The following STYXL1 variants were observed in gnomAD, a reference collection of about 807,000 sequenced individuals.
The protein encoded by STYXL1 is serine/threonine/tyrosine-interacting-like protein 1.
Under a neutral mutation model 36.4 loss-of-function variants are expected in STYXL1, and 32 were observed. That is an observed-to-expected ratio of 0.88 (90% CI 0.66 to 1.18). STYXL1 has a LOEUF of 1.18. Among genes scored for constraint, STYXL1 ranks in the 50% most tolerant of loss-of-function variants. The probability of loss-of-function intolerance (pLI) is 0.00; values close to 1 mark genes in which losing one functional copy is unlikely to be tolerated. For missense variants in STYXL1, 354 were observed against 394.1 expected (o/e 0.90, Z 0.86); for synonymous variants, 133 against 144.1 (o/e 0.92, Z 0.55).
chr7:76,000,754 G>C, intron 8 of STYXL1, 136 bp downstream of exon 8: 1 of 697,530 alleles, frequency 1.4e-6, no homozygotes, highest in Non-Finnish European at 2.5e-6. Context: ...CGCGGACTGG[G>C]GAGCACCCTA....
intron 1 of STYXL1, among the ~76,000 whole-genome samples, chr7:76,047,298 T>C (rs1280759868): frequency 6.6e-6 from 1 of 152,120 alleles, no homozygotes; most frequent in East Asian, 1.9e-4. Context: ...ATAAACTCAT[T>C]GTGAGCAAGG....
intron 4 of STYXL1, among the ~76,000 whole-genome samples, chr7:76,020,447 G>A (rs1793925709): frequency 1.3e-5 from 2 of 152,178 alleles, no homozygotes; most frequent in Admixed American, 1.3e-4. Context: ...ACACAGCAGA[G>A]CCTCAGAGGT....
At chr7:76,035,676 G>A (rs1279127279) in intron 1 of STYXL1, among the ~76,000 whole-genome samples, 3 of 149,740 alleles carry the variant, frequency 2.0e-5, no homozygotes, top group East Asian at 3.9e-4. Flanking sequence ...GAGGAGAGAA[G>A]TGGGCTTTGT....
rs781947342 is a variant in STYXL1 at position 76,022,044 on chromosome 7, C to T, written c.166-52G>A. 7 of 1,581,910 alleles carry T rather than the reference C, an allele frequency of 4.4e-6. No homozygotes were observed. The African/African-American group carries it at 5.4e-5, about 12-fold the overall frequency. On this transcript the variant is annotated intron_variant, in intron 3 of 8. Transcript: ENST00000359697. ...AGAGAGGCCTGTTGGTGGGCAGGTTCGGTTGAGCAGAGACTCCCTGCATAG... is the reference window on the plus strand; with the variant it reads ...AGAGAGGCCTGTTGGTGGGCAGGTTTGGTTGAGCAGAGACTCCCTGCATAG...
At chr7:76,025,944 G>C (rs1016902774) in intron 3 of STYXL1, among the ~76,000 whole-genome samples, 3 of 151,976 alleles carry the variant, frequency 2.0e-5, no homozygotes, top group Non-Finnish European at 2.9e-5. Flanking sequence ...TGTAATTCCA[G>C]CACTTTGGGA....
At chr7:76,042,617 G>A (rs1554582425) in intron 1 of STYXL1, among the ~76,000 whole-genome samples, 2 of 151,478 alleles carry the variant, frequency 1.3e-5, no homozygotes, top group African/African-American at 4.9e-5. Flanking sequence ...CATGTGGCGA[G>A]GCTGGTCTCA....
intron 3 of STYXL1, among the ~76,000 whole-genome samples, chr7:76,024,414 T>A (rs1794430045): frequency 6.6e-6 from 1 of 151,920 alleles, no homozygotes; most frequent in Admixed American, 6.6e-5. Flanking sequence ...AGCCCAGGCG[T>A]TCAAGACCAG....
At chr7:76,033,286 C>CA (rs58388695) in intron 1 of STYXL1, among the ~76,000 whole-genome samples, 84,574 of 151,946 alleles carry the variant, frequency 0.56, 25,660 homozygotes, top group Non-Finnish European at 0.7. Context: ...GCTGGGACTA[C>CA]AGCGTATGCC....
At chr7:76,046,327 TGTGTGTGTGTGTGCGCGCGCGCGCGC>T (rs1797034403) in intron 1 of STYXL1, among the ~76,000 whole-genome samples, 2 of 13,668 alleles carry the variant, frequency 1.5e-4, no homozygotes, top group African/African-American at 4.7e-4. Flanking sequence ...TGTGTGTGTG[TGTGTGTGTGTGTGCGCGCGCGCGCGC>T]GCGCGCTTTT....
rs532795944 is a variant in STYXL1, at chr7:76,047,434, G to A, written c.-5+228C>T. Among the ~76,000 whole-genome samples the A allele has an allele frequency of 5.3e-5, 8 of 152,306 alleles. No individual in the cohort carries two copies. In the South Asian group the frequency reaches 1.4e-3, roughly 28 times the overall value. ...ACTGCCGGGCAGGCGAGAGAAGACA[G>A]GAACTGTATGACCACGGAAGTTGTT... On this transcript the variant is annotated intron_variant, in intron 1 of 8. Transcript: ENST00000359697.
At chr7:76,028,401 C>T (rs1894812) in intron 3 of STYXL1, among the ~76,000 whole-genome samples, 81,846 of 151,934 alleles carry the variant, frequency 0.54, 24,855 homozygotes, top group Non-Finnish European at 0.7. Flanking sequence ...GATGACAGAG[C>T]GAGACCCGGT....
rs1006180158 is a variant in STYXL1 at position 76,003,952 on chromosome 7, C to T, written c.600-97G>A. 2.0e-5 allele frequency: 22 copies of T among 1,084,560 alleles called. 1 individual carries two copies. The highest frequency in any genetic ancestry group is 2.1e-4 in the Middle Eastern group (1 of 4,696). The allele number at this position is 1,084,560 out of a possible 1,614,324, so 67.2% of individuals were successfully genotyped here. A position where few individuals can be genotyped will look rare whatever the true frequency, so the allele number is the denominator to read the frequency against. ...CACAGCAGAAGGGCCACAGGGAGGACGCTGAGCTTGTGTAAGGGGGAATGT... is the reference window on the plus strand; with the variant it reads ...CACAGCAGAAGGGCCACAGGGAGGATGCTGAGCTTGTGTAAGGGGGAATGT... On this transcript the variant is annotated intron_variant, in intron 6 of 8. Transcript: ENST00000359697.
intron 3 of STYXL1, among the ~76,000 whole-genome samples, chr7:76,023,040 A>C (rs1794266798): frequency 6.6e-6 from 1 of 152,186 alleles, no homozygotes; most frequent in African/African-American, 2.4e-5. Flanking sequence ...AGAGGGACTT[A>C]CTGGCAGGTA....
At chr7:76,022,560 G>A (rs964606989) in intron 3 of STYXL1, among the ~76,000 whole-genome samples, 2 of 152,078 alleles carry the variant, frequency 1.3e-5, no homozygotes, top group Non-Finnish European at 2.9e-5. Context: ...TACTACTCAG[G>A]AGGCTGAAGT....
At chr7:76,033,289 C>T (rs1026316497) in intron 1 of STYXL1, among the ~76,000 whole-genome samples, 3 of 146,790 alleles carry the variant, frequency 2.0e-5, no homozygotes, top group Non-Finnish European at 4.6e-5. Context: ...GGGACTACAG[C>T]GTATGCCATC....
intron 1 of STYXL1, among the ~76,000 whole-genome samples, chr7:76,041,177 CAAAAAAA>C (rs112341556): frequency 2.3e-5 from 2 of 86,042 alleles, no homozygotes; most frequent in African/African-American, 8.7e-5. Flanking sequence ...CCCCCATCTC[CAAAAAAA>C]AAAAAAAAAC....
intron 4 of STYXL1, among the ~76,000 whole-genome samples, chr7:76,017,873 A>AAAAAAAAAAAAAGAAAAAAG (rs1793582358): frequency 6.9e-6 from 1 of 145,356 alleles, no homozygotes; most frequent in Non-Finnish European, 1.5e-5. Context: ...TCTCAAAAAA[A>AAAAAAAAAAAAAGAAAAAAG]AAAAAAAAGG....
intron 4 of STYXL1, among the ~76,000 whole-genome samples, chr7:76,016,047 C>T (rs782496574): frequency 5.3e-5 from 8 of 151,992 alleles, no homozygotes; most frequent in Non-Finnish European, 1.0e-4. Context: ...TGTGATCACA[C>T]GAGTTAATAC....
chr7:76,021,178 C>T (rs942316902), intron 4 of STYXL1, among the ~76,000 whole-genome samples: 18 of 151,132 alleles, frequency 1.2e-4, no homozygotes, highest in Non-Finnish European at 1.9e-4. Context: ...CCTGGGTTCA[C>T]GCCATTCTCC....
Sources: gnomAD v4.1 joint callset for allele counts (sites outside exome capture counted in the v4.1 genomes callset) on GRCh38, gnomAD v4.1.1 for gene constraint, MANE v1.5 for transcripts, NCBI Gene and HGNC (gene_info 2026-07-23, HGNC 2026-07-21) for gene names.